VPS41: variants seen among roughly 807,000 people sequenced by gnomAD.
VPS41 encodes VPS41 subunit of HOPS complex.
VPS41 carries 85 observed loss-of-function variants against 130.9 expected under a neutral mutation model. That is an observed-to-expected ratio of 0.65 (90% CI 0.55 to 0.78). VPS41 has a LOEUF of 0.78. Among genes scored for constraint, VPS41 ranks in the 30% least tolerant of loss-of-function variants. The pLI is 0.00. For missense variants in VPS41, 874 were observed against 1,018.7 expected (o/e 0.86, Z 1.93); for synonymous variants, 335 against 332.9 (o/e 1.01, Z -0.07).
At chr7:38,757,536 G>T (rs745733053) in intron 18 of VPS41, among the ~76,000 whole-genome samples, 30 of 152,286 alleles carry the variant, frequency 2.0e-4, no homozygotes, top group Middle Eastern at 3.4e-3. Context: ...ACTCTAAGGG[G>T]TATCTAACAG....
chr7:38,736,895 G>T (rs932816629), intron 25 of VPS41, among the ~76,000 whole-genome samples: 5 of 152,110 alleles, frequency 3.3e-5, no homozygotes, highest in African/African-American at 9.7e-5. Context: ...CATCTACAAA[G>T]CTTCTATCTC....
intron 7 of VPS41, among the ~76,000 whole-genome samples, chr7:38,815,122 T>A (rs1785016627): frequency 6.6e-6 from 1 of 152,116 alleles, no homozygotes; most frequent in South Asian, 2.1e-4. Context: ...GAGAATTAAA[T>A]AAAATGTAAT....
At chr7:38,838,912 TCC>T (rs1272906009) in intron 4 of VPS41, among the ~76,000 whole-genome samples, 1 of 152,212 alleles carries the variant, frequency 6.6e-6, no homozygotes. Flanking sequence ...CTCCTCATCA[TCC>T]CACCTTAAGC....
intron 11 of VPS41, 115 bp from the exon 12 acceptor site, chr7:38,774,359 C>A (rs905564513): frequency 9.6e-6 from 9 of 933,264 alleles, no homozygotes; most frequent in Middle Eastern, 6.5e-4. Flanking sequence ...GAAGAAATAC[C>A]CAAGACTGGG....
intron 9 of VPS41, among the ~76,000 whole-genome samples, chr7:38,791,234 T>C (rs1784529751): frequency 6.6e-6 from 1 of 152,232 alleles, no homozygotes; most frequent in African/African-American, 2.4e-5. Context: ...TTATCCACTC[T>C]TCTTCCCACA....
intron 2 of VPS41, among the ~76,000 whole-genome samples, chr7:38,881,095 T>C (rs777453607): frequency 1.3e-5 from 2 of 152,178 alleles, no homozygotes; most frequent in African/African-American, 2.4e-5. Flanking sequence ...ACAAACTTAG[T>C]AGTATGAAGC....
chr7:38,904,095 T>C (rs1787201639), intron 1 of VPS41, among the ~76,000 whole-genome samples: 1 of 152,020 alleles, frequency 6.6e-6, no homozygotes, highest in African/African-American at 2.4e-5. Context: ...AAGCCATTTT[T>C]AACAAAAACA....
chr7:38,791,405 T>G (rs1784533342), intron 9 of VPS41, among the ~76,000 whole-genome samples: 1 of 152,228 alleles, frequency 6.6e-6, no homozygotes, highest in Non-Finnish European at 1.5e-5. Flanking sequence ...AACACTTTTT[T>G]GGGCAGTTAC....
Position 38,771,332 on chromosome 7 carries a change from G to A in VPS41, c.1129-78C>T, listed in dbSNP as rs1584387474. The A allele has an allele frequency of 1.5e-5, 16 of 1,032,384 alleles. No homozygotes were observed. In the East Asian group the frequency reaches 3.6e-4, roughly 23 times the overall value. The allele number at this position is 1,032,384 out of a possible 1,614,324, so 64.0% of individuals were successfully genotyped here. On this transcript the variant is annotated intron_variant, in intron 13 of 28. Transcript: ENST00000310301. ...GGAGGGAAAATGGGAGAAGGTGGGAGAGAAAGATATTGAGGTTATAAACAC... is the reference window on the plus strand; with the variant it reads ...GGAGGGAAAATGGGAGAAGGTGGGAAAGAAAGATATTGAGGTTATAAACAC...
intron 1 of VPS41, among the ~76,000 whole-genome samples, chr7:38,905,393 G>C (rs186825041): frequency 2.6e-5 from 4 of 152,052 alleles, no homozygotes; most frequent in Admixed American, 1.3e-4. Flanking sequence ...CAGAATGCAG[G>C]GTATTCATTT....
chr7:38,764,765 G>C, intron 16 of VPS41, among the ~76,000 whole-genome samples: 1 of 152,084 alleles, frequency 6.6e-6, no homozygotes, highest in Non-Finnish European at 1.5e-5. Flanking sequence ...GAAAAGGACT[G>C]AATTTGGGAA....
chr7:38,830,422 G>T, intron 4 of VPS41, 94 bp from the exon 5 acceptor site: 1 of 819,006 alleles, frequency 1.2e-6, no homozygotes, highest in Non-Finnish European at 2.1e-6. Flanking sequence ...TAAGCTCTTT[G>T]TTTTCTTCTT....
At chr7:38,807,414 AG>A (rs1784861272) in intron 7 of VPS41, among the ~76,000 whole-genome samples, 1 of 151,934 alleles carries the variant, frequency 6.6e-6, no homozygotes, top group Non-Finnish European at 1.5e-5. Flanking sequence ...ATACAGGTCG[AG>A]GGGGATCCAA....
chr7:38,808,495 CT>C (rs756867188), intron 7 of VPS41, among the ~76,000 whole-genome samples: 1 of 152,108 alleles, frequency 6.6e-6, no homozygotes, highest in Non-Finnish European at 1.5e-5. Context: ...AACACAGTAC[CT>C]AGAATAAATA....
rs183280553 is a variant in VPS41 at position 38,842,894 on chromosome 7, A to G, written c.247-12566T>C. Among the ~76,000 whole-genome samples, 639 of 152,308 alleles carry G rather than the reference A, an allele frequency of 4.2e-3. 5 individuals carry two copies. Among genetic ancestry groups the G allele is most frequent in the African/African-American group, 0.014 (564 of 41,548 alleles). ...ACTCACTTTGCTGCTTGTCTCTGGC[A>G]CTTAATTGTGAGCCCATGAGAGCAG... On this transcript the variant is annotated intron_variant, in intron 4 of 28. Transcript: ENST00000310301.
intron 2 of VPS41, among the ~76,000 whole-genome samples, chr7:38,870,543 T>C (rs1261190149): frequency 6.6e-6 from 1 of 151,932 alleles, no homozygotes; most frequent in South Asian, 2.1e-4. Flanking sequence ...TGACTCCTCT[T>C]CAGAGAAAGA....
intron 16 of VPS41, among the ~76,000 whole-genome samples, chr7:38,764,289 G>A (rs1783982719): frequency 6.6e-6 from 1 of 152,230 alleles, no homozygotes; most frequent in African/African-American, 2.4e-5. Flanking sequence ...ACATCTGGCA[G>A]GGGGAATAGC....
chr7:38,896,684 C>T (rs555855136), intron 2 of VPS41, among the ~76,000 whole-genome samples: 1 of 152,240 alleles, frequency 6.6e-6, no homozygotes, highest in African/African-American at 2.4e-5. Flanking sequence ...GAGAAATATG[C>T]ATAAGTCCAA....
intron 5 of VPS41, among the ~76,000 whole-genome samples, chr7:38,823,832 TCCC>T (rs373585472): frequency 6.6e-6 from 1 of 151,966 alleles, no homozygotes; most frequent in Admixed American, 6.6e-5. Context: ...TACACATATG[TCCC>T]CCCCATCACC....
Sources: allele counts gnomAD v4.1 joint callset (sites outside exome capture counted in the v4.1 genomes callset), GRCh38; gene constraint gnomAD v4.1.1; transcripts MANE v1.5; gene names NCBI Gene and HGNC (gene_info 2026-07-23, HGNC 2026-07-21).